Variants in CNTNAP5 observed in about 807,000 individuals in gnomAD.
CNTNAP5 encodes the protein contactin-associated protein-like 5.
In CNTNAP5, 72 loss-of-function variants were observed where a neutral mutation model predicts 150.2. That is an observed-to-expected ratio of 0.48 (90% CI 0.40 to 0.58). CNTNAP5 has a LOEUF of 0.58. Among genes scored for constraint, CNTNAP5 ranks in the 20% least tolerant of loss-of-function variants. CNTNAP5 has a pLI of 0.00. For synonymous variants in CNTNAP5, 672 were observed against 619.8 expected (o/e 1.08, Z -1.25); for missense variants, 1,636 against 1,626.2 (o/e 1.01, Z -0.10).
chr2:124,093,361 C>G (rs921953379), intron 1 of CNTNAP5, among the ~76,000 whole-genome samples: 8 of 152,190 alleles, frequency 5.3e-5, no homozygotes, highest in African/African-American at 1.4e-4. Flanking sequence ...AAGAGACTGG[C>G]ACATGATCAA....
At chr2:124,424,242 T>C (rs532219001) in intron 4 of CNTNAP5, among the ~76,000 whole-genome samples, 3 of 152,306 alleles carry the variant, frequency 2.0e-5, no homozygotes, top group African/African-American at 7.2e-5. Flanking sequence ...TGGGATCATT[T>C]GTCATACATG....
chr2:124,034,842 T>C (rs932802339), intron 1 of CNTNAP5, among the ~76,000 whole-genome samples: 10 of 152,164 alleles, frequency 6.6e-5, no homozygotes, highest in African/African-American at 2.4e-4. Flanking sequence ...ATTGGAAAGT[T>C]GAGAGAGCCA....
chr2:124,355,123 T>A (rs1373121486), intron 3 of CNTNAP5, among the ~76,000 whole-genome samples: 2 of 151,560 alleles, frequency 1.3e-5, no homozygotes, highest in African/African-American at 4.8e-5. Flanking sequence ...ATGCTTTGTA[T>A]AAGAAATGAA....
intron 3 of CNTNAP5, among the ~76,000 whole-genome samples, chr2:124,360,363 G>A (rs1047613448): frequency 3.2e-4 from 47 of 148,762 alleles, no homozygotes; most frequent in Middle Eastern, 6.9e-3. Flanking sequence ...GATGTTAGCC[G>A]GTTATTATGC....
chr2:124,233,752 C>T lies in CNTNAP5; in HGVS notation c.188-8448C>T, dbSNP rs138095456. On this transcript the variant is annotated intron_variant, in intron 2 of 23. Coordinates refer to ENST00000682447, the MANE Select transcript of CNTNAP5 (RefSeq NM_001367498.1). ...ACAATTCAATACACTCATATTTAAT[C>T]ATTTTGTGTCCATAGTTGTGATGCC... 3.8e-3 allele frequency among the ~76,000 whole-genome samples: 570 copies of T among 150,068 alleles called. 5 individuals carry two copies. The highest frequency in any genetic ancestry group is 0.014 in the African/African-American group (551 of 40,804).
At chr2:124,423,420 C>A (rs1401181723) in intron 4 of CNTNAP5, among the ~76,000 whole-genome samples, 2 of 152,096 alleles carry the variant, frequency 1.3e-5, no homozygotes, top group Non-Finnish European at 2.9e-5. Flanking sequence ...ATTTCAGCAC[C>A]TTCGTCAGGC....
chr2:124,294,186 C>T (rs1054841584), intron 3 of CNTNAP5, among the ~76,000 whole-genome samples: 6 of 152,114 alleles, frequency 3.9e-5, no homozygotes, highest in African/African-American at 1.2e-4. Context: ...TCCCACATAG[C>T]ATATTTATTC....
intron 11 of CNTNAP5, among the ~76,000 whole-genome samples, chr2:124,580,372 A>G (rs1235544381): frequency 6.6e-6 from 1 of 152,224 alleles, no homozygotes; most frequent in African/African-American, 2.4e-5. Flanking sequence ...GTTTTGGCCA[A>G]TCAAAGGTGG....
chr2:124,865,422 G>T lies in CNTNAP5; in HGVS notation c.3334G>T (p.Glu1112Ter). The T allele has an allele frequency of 6.4e-7, 1 of 1,551,756 alleles. No individual in the cohort carries two copies. Among genetic ancestry groups the T allele is most frequent in the South Asian group, 1.2e-5 (1 of 84,058 alleles). Reference protein sequence around the residue: ...HHLKINREGRELTIQMDQQLR... With the variant: ...HHLKINREGR ...CTTGAAGATTAACCGAGAGGGAAGA[G>T]AGCTTACCATTCAGGTACCTTCCTT... The change falls in exon 20 of 24, where the codon GAG (glutamate) becomes TAG (stop). Residue 1112 changes from glutamate to a stop codon, truncating the protein, a stop_gained. Coordinates refer to ENST00000682447, the MANE Select transcript of CNTNAP5 (RefSeq NM_001367498.1). LOFTEE classifies it high-confidence loss of function.
chr2:124,552,996 T>C lies in CNTNAP5; in HGVS notation c.1650-10221T>C, dbSNP rs543259219. ...TGTTATCAATGATAATAATTTTACA[T>C]TGTTTTTGTGCATGTAAAAATGCAT... On this transcript the variant is annotated intron_variant, in intron 10 of 23. Coordinates refer to ENST00000682447, the MANE Select transcript of CNTNAP5 (RefSeq NM_001367498.1). Among the ~76,000 whole-genome samples, 14 of 152,312 alleles carry C rather than the reference T, an allele frequency of 9.2e-5. No homozygotes were observed. The South Asian group carries it at 2.7e-3, about 29-fold the overall frequency.
chr2:124,857,873 T>C (rs1338379571), intron 19 of CNTNAP5, among the ~76,000 whole-genome samples: 3 of 151,966 alleles, frequency 2.0e-5, no homozygotes, highest in Admixed American at 2.0e-4. Context: ...AATTCAAGGA[T>C]AACACACTCT....
intron 4 of CNTNAP5, among the ~76,000 whole-genome samples, chr2:124,426,873 G>C (rs1408137224): frequency 6.6e-6 from 1 of 152,206 alleles, no homozygotes; most frequent in Non-Finnish European, 1.5e-5. Flanking sequence ...AGTACTCCAG[G>C]ATGGGGGAGC....
At chr2:124,476,548 G>T (rs1693645087) in intron 7 of CNTNAP5, among the ~76,000 whole-genome samples, 2 of 152,236 alleles carry the variant, frequency 1.3e-5, no homozygotes, top group South Asian at 2.1e-4. Flanking sequence ...GGATGAAGGG[G>T]GTTCCTCATG....
chr2:124,037,178 T>C (rs1681246354), intron 1 of CNTNAP5, among the ~76,000 whole-genome samples: 1 of 152,208 alleles, frequency 6.6e-6, no homozygotes, highest in Admixed American at 6.5e-5. Flanking sequence ...TCACTAAAGC[T>C]TTTCACCAAC....
chr2:124,716,047 T>G (rs1679937319), intron 13 of CNTNAP5, among the ~76,000 whole-genome samples: 1 of 152,196 alleles, frequency 6.6e-6, no homozygotes, highest in Non-Finnish European at 1.5e-5. Flanking sequence ...CAAGCCCAGG[T>G]GCACCTTGAT....
At chr2:124,272,531 A>T (rs942984151) in intron 3 of CNTNAP5, among the ~76,000 whole-genome samples, 3 of 152,186 alleles carry the variant, frequency 2.0e-5, no homozygotes, top group African/African-American at 4.8e-5. Flanking sequence ...GAGAGACAAC[A>T]TGTTAAACCC....
chr2:124,431,528 T>A (rs986474912), intron 4 of CNTNAP5, among the ~76,000 whole-genome samples: 8 of 145,614 alleles, frequency 5.5e-5, no homozygotes, highest in East Asian at 2.0e-4. Flanking sequence ...TATATATATA[T>A]AAAATTTCTT....
At chr2:124,139,402 C>A (rs574738613) in intron 1 of CNTNAP5, among the ~76,000 whole-genome samples, 2 of 152,142 alleles carry the variant, frequency 1.3e-5, no homozygotes, top group East Asian at 1.9e-4. Context: ...AAGAGAAGTT[C>A]AATGACGCTC....
chr2:124,676,969 G>A (rs1343672728), intron 13 of CNTNAP5, among the ~76,000 whole-genome samples: 3 of 152,142 alleles, frequency 2.0e-5, no homozygotes, highest in African/African-American at 7.2e-5. Context: ...GGGAAGTGTG[G>A]AGCATCTCAG....
Sources: gnomAD v4.1 joint callset for allele counts (sites outside exome capture counted in the v4.1 genomes callset) on GRCh38, gnomAD v4.1.1 for gene constraint, MANE v1.5 for transcripts, NCBI Gene and HGNC (gene_info 2026-07-23, HGNC 2026-07-21) for gene names.